Variants in CSMD1 observed in about 807,000 individuals in gnomAD.
CSMD1 encodes CUB and sushi domain-containing protein 1.
A neutral mutation model predicts 417.5 loss-of-function variants in CSMD1; 213 were observed. The observed-to-expected ratio is 0.51, with a 90% CI of 0.46 to 0.57. The LOEUF (loss-of-function observed/expected upper bound fraction) is 0.57, where lower values mean the gene tolerates loss of function less well. Ranked by LOEUF, CSMD1 falls within the 20% of genes least tolerant of loss-of-function variation. The pLI, the probability that CSMD1 is intolerant of heterozygous loss-of-function variation, is 0.00. For synonymous variants in CSMD1, 2,862 were observed against 1,736.8 expected (o/e 1.65, Z -16.11); for missense variants, 6,923 against 4,529.7 (o/e 1.53, Z -15.17).
intron 5 of CSMD1, among the ~76,000 whole-genome samples, chr8:3,801,154 A>AT (rs2129072573): frequency 6.6e-6 from 1 of 152,278 alleles, no homozygotes; most frequent in South Asian, 2.1e-4. Context: ...GCTGCAAAGG[A>AT]TACCACCAAG....
chr8:4,109,861 A>G (rs1218634032), intron 3 of CSMD1, among the ~76,000 whole-genome samples: 2 of 152,294 alleles, frequency 1.3e-5, no homozygotes, highest in East Asian at 3.9e-4. Flanking sequence ...GGAGAGGTCC[A>G]AGACAGTCAT....
intron 4 of CSMD1, among the ~76,000 whole-genome samples, chr8:4,015,333 C>A (rs572147269): frequency 6.6e-6 from 1 of 152,106 alleles, no homozygotes; most frequent in South Asian, 2.1e-4. Context: ...CTTCCTTCTC[C>A]CCTCTGGCTA....
At chr8:3,418,586 T>C (rs1813301262) in intron 12 of CSMD1, among the ~76,000 whole-genome samples, 1 of 152,188 alleles carries the variant, frequency 6.6e-6, no homozygotes, top group Admixed American at 6.5e-5. Context: ...AGCTGAAGAT[T>C]CAGATCCAAC....
chr8:4,439,852 A>G (rs183919600), intron 2 of CSMD1, among the ~76,000 whole-genome samples: 1 of 152,322 alleles, frequency 6.6e-6, no homozygotes, highest in African/African-American at 2.4e-5. Context: ...GGCAGCTTCG[A>G]AAGATAGGAT....
intron 5 of CSMD1, among the ~76,000 whole-genome samples, chr8:3,841,638 T>A (rs1329692449): frequency 1.3e-5 from 2 of 152,074 alleles, no homozygotes; most frequent in Non-Finnish European, 2.9e-5. Context: ...AGGTCACACA[T>A]TTTTAGAGGT....
chr8:3,637,005 C>A (rs576885619), intron 7 of CSMD1, among the ~76,000 whole-genome samples: 15 of 152,130 alleles, frequency 9.9e-5, no homozygotes, highest in African/African-American at 3.6e-4. Context: ...TGCTTGTTGC[C>A]CATCTGCCTT....
intron 5 of CSMD1, among the ~76,000 whole-genome samples, chr8:3,761,276 A>C (rs1217421892): frequency 6.6e-6 from 1 of 152,152 alleles, no homozygotes; most frequent in Non-Finnish European, 1.5e-5. Context: ...AAATAAACAC[A>C]ATAATACCCA....
intron 3 of CSMD1, among the ~76,000 whole-genome samples, chr8:4,197,944 T>C (rs1026153639): frequency 2.6e-5 from 4 of 152,212 alleles, no homozygotes; most frequent in African/African-American, 4.8e-5. Context: ...TCTGTACACA[T>C]TGTCTTCTAT....
chr8:4,785,961 T>C (rs1428758693), intron 1 of CSMD1, among the ~76,000 whole-genome samples: 2 of 152,146 alleles, frequency 1.3e-5, no homozygotes, highest in Admixed American at 6.5e-5. Flanking sequence ...TCAACAATTA[T>C]AGGAAAGACA....
intron 5 of CSMD1, among the ~76,000 whole-genome samples, chr8:3,834,282 A>G (rs1245996938): frequency 1.3e-5 from 2 of 152,120 alleles, no homozygotes; most frequent in East Asian, 1.9e-4. Flanking sequence ...GGCTCTTCCA[A>G]CTGACATTCC....
chr8:3,414,053 T>A (rs1812974333), intron 12 of CSMD1, among the ~76,000 whole-genome samples: 2 of 149,948 alleles, frequency 1.3e-5, no homozygotes, highest in Admixed American at 1.3e-4. Flanking sequence ...GCAGGAGAAT[T>A]ACTTGAAACC....
chr8:4,519,353 AAAG>A (rs1803302341), intron 2 of CSMD1, among the ~76,000 whole-genome samples: 1 of 152,156 alleles, frequency 6.6e-6, no homozygotes, highest in Non-Finnish European at 1.5e-5. Context: ...AAATGATAAA[AAAG>A]AAAAGAATCA....
intron 5 of CSMD1, among the ~76,000 whole-genome samples, chr8:3,786,965 C>A (rs528419132): frequency 6.6e-6 from 1 of 152,248 alleles, no homozygotes; most frequent in Admixed American, 6.5e-5. Context: ...GCATTCAATC[C>A]TCATCATCTA....
intron 30 of CSMD1, among the ~76,000 whole-genome samples, chr8:3,208,791 G>T (rs192718772): frequency 6.6e-6 from 1 of 152,206 alleles, no homozygotes; most frequent in East Asian, 1.9e-4. Flanking sequence ...GACTGGCCTA[G>T]TCTCCCAGCC....
chr8:4,399,732 G>T (rs1013216545), intron 3 of CSMD1, among the ~76,000 whole-genome samples: 58 of 152,198 alleles, frequency 3.8e-4, no homozygotes, highest in African/African-American at 1.3e-3. Flanking sequence ...ATCTAATGAA[G>T]ACTTTTGTTT....
chr8:4,306,609 G>A (rs549696899), intron 3 of CSMD1, among the ~76,000 whole-genome samples: 1 of 151,908 alleles, frequency 6.6e-6, no homozygotes, highest in Non-Finnish European at 1.5e-5. Context: ...TTTCCTTCTT[G>A]GCCTCTTCAA....
intron 11 of CSMD1, among the ~76,000 whole-genome samples, chr8:3,490,744 G>C (rs890653185): frequency 1.3e-5 from 2 of 152,128 alleles, no homozygotes; most frequent in African/African-American, 4.8e-5. Context: ...ATCCACTGTA[G>C]TGCTGTTCCC....
chr8:4,163,828 T>A (rs1797301215), intron 3 of CSMD1, among the ~76,000 whole-genome samples: 1 of 152,188 alleles, frequency 6.6e-6, no homozygotes, highest in South Asian at 2.1e-4. Flanking sequence ...CTATACCCCT[T>A]CATCATTAAT....
At chr8:4,832,299 C>T (rs954552852) in intron 1 of CSMD1, among the ~76,000 whole-genome samples, 4 of 152,080 alleles carry the variant, frequency 2.6e-5, no homozygotes, top group Non-Finnish European at 4.4e-5. Flanking sequence ...CAGTCCTTAG[C>T]GCACATGAGG....
Sources: allele counts gnomAD v4.1 joint callset (sites outside exome capture counted in the v4.1 genomes callset), GRCh38; gene constraint gnomAD v4.1.1; transcripts MANE v1.5; gene names NCBI Gene and HGNC (gene_info 2026-07-23, HGNC 2026-07-21).